The following AFTPH variants were observed in gnomAD, a reference collection of about 807,000 sequenced individuals.
AFTPH encodes aftiphilin protein.
AFTPH carries 7 observed loss-of-function variants against 72.5 expected under a neutral mutation model. That is an observed-to-expected ratio of 0.10 (90% confidence interval 0.05 to 0.18). The LOEUF is 0.18. AFTPH is among the 10% of genes least tolerant of loss of function. The pLI is 1.00. For missense variants in AFTPH, 979 were observed against 1,060.5 expected (o/e 0.92, Z 1.07); for synonymous variants, 337 against 370.1 (o/e 0.91, Z 1.03).
chr2:64,575,463 A>G (rs1329240801), intron 6 of AFTPH, among the ~76,000 whole-genome samples: 1 of 151,996 alleles, frequency 6.6e-6, no homozygotes, highest in Non-Finnish European at 1.5e-5. Context: ...CTGCCTCTAC[A>G]AAAATTAGCC....
At chr2:64,582,614 A>ATACT (rs1486782593) in intron 7 of AFTPH, among the ~76,000 whole-genome samples, 2 of 152,018 alleles carry the variant, frequency 1.3e-5, no homozygotes, top group Admixed American at 1.3e-4. Flanking sequence ...ACATTTTAGA[A>ATACT]TACTTACGGG....
intron 1 of AFTPH, among the ~76,000 whole-genome samples, chr2:64,526,406 A>G (rs977040808): frequency 3.3e-5 from 5 of 152,090 alleles, no homozygotes; most frequent in South Asian, 2.1e-4. Flanking sequence ...TTCTCTCCCA[A>G]CCCTTCCCCC....
intron 1 of AFTPH, among the ~76,000 whole-genome samples, chr2:64,543,556 T>A (rs1053481697): frequency 6.6e-6 from 1 of 152,186 alleles, no homozygotes; most frequent in African/African-American, 2.4e-5. Context: ...CTGTATAAGA[T>A]GTTAGAATCA....
intron 2 of AFTPH, among the ~76,000 whole-genome samples, chr2:64,563,331 A>T (rs954276140): frequency 6.6e-6 from 1 of 152,214 alleles, no homozygotes; most frequent in East Asian, 1.9e-4. Flanking sequence ...CCCCCAAAAA[A>T]TTTTTGAAAA....
chr2:64,565,081 C>T (rs1214719306), intron 2 of AFTPH, among the ~76,000 whole-genome samples: 1 of 151,992 alleles, frequency 6.6e-6, no homozygotes, highest in African/African-American at 2.4e-5. Context: ...TCAAGCAATC[C>T]ACCCGCCTCG....
intron 5 of AFTPH, among the ~76,000 whole-genome samples, chr2:64,571,734 TG>T: frequency 6.6e-6 from 1 of 152,346 alleles, no homozygotes; most frequent in South Asian, 2.1e-4. Context: ...AGGGTGATTT[TG>T]TCTAGGATGT....
At chr2:64,586,022 A>G (rs569847341) in intron 8 of AFTPH, among the ~76,000 whole-genome samples, 36 of 152,306 alleles carry the variant, frequency 2.4e-4, no homozygotes, top group African/African-American at 8.4e-4. Flanking sequence ...TTACTTTACC[A>G]GGCTTTCTAG....
rs116961291 is a variant in AFTPH, at chr2:64,547,218, G to A, written c.-32-4225G>A. Among the ~76,000 whole-genome samples, 53 of 152,332 alleles carry A rather than the reference G, an allele frequency of 3.5e-4. 1 individual carries two copies. In the East Asian group the frequency reaches 8.5e-3, roughly 24 times the overall value. Reference sequence around the variant, plus strand: ...ACCAAGTGCTGCGTTTACTTCTCATGTCTCTTTATTCTTCTTCTTCAATCT... The same window carrying A: ...ACCAAGTGCTGCGTTTACTTCTCATATCTCTTTATTCTTCTTCTTCAATCT... On this transcript the variant is annotated intron_variant, in intron 1 of 8. Transcript: ENST00000238856.
chr2:64,575,685 A>T (rs1672720604), intron 6 of AFTPH, among the ~76,000 whole-genome samples: 1 of 149,510 alleles, frequency 6.7e-6, no homozygotes, highest in Non-Finnish European at 1.5e-5. Context: ...AATTTTATAT[A>T]TATATGTATG....
At chr2:64,525,085 C>T (rs995487956) in intron 1 of AFTPH, among the ~76,000 whole-genome samples, 3 of 152,238 alleles carry the variant, frequency 2.0e-5, no homozygotes, top group Admixed American at 1.3e-4. Flanking sequence ...TGTGCTGCTT[C>T]CAAGGGTCTC....
At chr2:64,584,112 G>A (rs373661090) in intron 7 of AFTPH, among the ~76,000 whole-genome samples, 1 of 151,916 alleles carries the variant, frequency 6.6e-6, no homozygotes, top group South Asian at 2.1e-4. Context: ...TTGCTTTGCT[G>A]TTAACGCCCG....
At chr2:64,582,412 G>T (rs919359576) in intron 7 of AFTPH, among the ~76,000 whole-genome samples, 3 of 152,110 alleles carry the variant, frequency 2.0e-5, no homozygotes, top group Non-Finnish European at 4.4e-5. Context: ...AAGTTCCAAG[G>T]TCATTTGGTA....
chr2:64,562,170 G>A (rs754923652), intron 2 of AFTPH, among the ~76,000 whole-genome samples: 4 of 152,042 alleles, frequency 2.6e-5, no homozygotes, highest in Admixed American at 6.6e-5. Flanking sequence ...CATGTAGAGC[G>A]TCAAGCATAA....
intron 2 of AFTPH, among the ~76,000 whole-genome samples, chr2:64,563,595 A>T (rs1328457653): frequency 6.6e-6 from 1 of 152,166 alleles, no homozygotes; most frequent in Non-Finnish European, 1.5e-5. Flanking sequence ...TTACCAAGTT[A>T]TTTGGACTAT....
rs768507185 is a variant in AFTPH at position 64,573,155 on chromosome 2, CTG to C, written c.2394+89_2394+90del. 128 of 1,007,996 alleles carry C rather than the reference CTG, an allele frequency of 1.3e-4. 1 individual carries two copies. The highest frequency in any genetic ancestry group is 1.7e-4 in the Non-Finnish European group (121 of 691,704). 62.4% of individuals were successfully genotyped at this position (1,007,996 alleles called of 1,614,324 possible). On this transcript the variant is annotated intron_variant, in intron 6 of 8. Coordinates refer to ENST00000238856, the Ensembl canonical transcript of AFTPH. ...TACTGCCTTTTTCCTTCATTTATGA[CTG>C]TTTTAAAAATATTTGTAAAGCTTGA... is the stretch of plus-strand genomic sequence containing the variant.
At chr2:64,566,278 TC>T (rs3836067) in intron 2 of AFTPH, among the ~76,000 whole-genome samples, 14,117 of 152,122 alleles carry the variant, frequency 0.093, 1,798 homozygotes, top group African/African-American at 0.28. Flanking sequence ...TTTTCCAATA[TC>T]ACACACATGA....
chr2:64,563,308 A>C (rs1671849360), intron 2 of AFTPH, among the ~76,000 whole-genome samples: 1 of 152,182 alleles, frequency 6.6e-6, no homozygotes, highest in African/African-American at 2.4e-5. Context: ...AACAGATGAA[A>C]ATAATATATG....
chr2:64,529,787 G>A (rs1330010592), intron 1 of AFTPH, among the ~76,000 whole-genome samples: 5 of 151,950 alleles, frequency 3.3e-5, no homozygotes, highest in Admixed American at 2.0e-4. Flanking sequence ...ACACCACCAT[G>A]CCTGGCTAAT....
exon 8 of AFTPH, chr2:64,585,457 A>C (rs767676688): frequency 6.2e-7 from 1 of 1,613,838 alleles, no homozygotes; most frequent in Admixed American, 1.7e-5. Flanking sequence ...AACAACTTCT[A>C]AGCTGGAAAT....
Sources: allele counts gnomAD v4.1 joint callset (sites outside exome capture counted in the v4.1 genomes callset), GRCh38; gene constraint gnomAD v4.1.1; transcripts MANE v1.5; gene names NCBI Gene and HGNC (gene_info 2026-07-23, HGNC 2026-07-21).